DNAH9: variants seen among roughly 807,000 people sequenced by gnomAD.
DNAH9 encodes DNAH9 variant protein.
DNAH9 carries 345 observed loss-of-function variants against 471.6 expected under a neutral mutation model. The observed-to-expected ratio is 0.73, with a 90% CI of 0.67 to 0.80. DNAH9 has a LOEUF of 0.80. Ranked by LOEUF, DNAH9 falls within the 30% of genes least tolerant of loss-of-function variation. DNAH9 has a pLI of 0.00. For missense variants in DNAH9, 5,407 were observed against 5,609.2 expected (o/e 0.96, Z 1.15); for synonymous variants, 2,093 against 2,123.6 (o/e 0.99, Z 0.40).
At chr17:11,877,224 G>A (rs1258946768) in intron 53 of DNAH9, among the ~76,000 whole-genome samples, 1 of 151,496 alleles carries the variant, frequency 6.6e-6, no homozygotes, top group Non-Finnish European at 1.5e-5. Context: ...TGTAATCATA[G>A]CACTTTGGGA....
Position 11,652,660 on chromosome 17 carries a change from T to A in DNAH9, c.2354-101T>A. ...AAGTTACCTGTGTAGAAAAGTCTTA[T>A]AACACTCGCAAGTATTAAATCCCTG... On this transcript the variant is annotated intron_variant, in intron 13 of 68. Transcript: ENST00000262442. 1.8e-6 allele frequency: 2 copies of A among 1,126,788 alleles called. 1 individual carries two copies. The highest frequency in any genetic ancestry group is 3.0e-5 in the South Asian group (2 of 67,518). The allele number at this position is 1,126,788 out of a possible 1,614,324, so 69.8% of individuals were successfully genotyped here.
At chr17:11,969,090 CA>C (rs1976983459) in intron 68 of DNAH9, among the ~76,000 whole-genome samples, 1 of 152,202 alleles carries the variant, frequency 6.6e-6, no homozygotes, top group East Asian at 1.9e-4. Flanking sequence ...AACTCTGCTT[CA>C]CCTGATTTAG....
intron 55 of DNAH9, 87 bp downstream of exon 55, chr17:11,881,500 C>T: frequency 7.2e-7 from 1 of 1,393,888 alleles, no homozygotes; most frequent in Non-Finnish European, 9.6e-7. Flanking sequence ...GGCTGTTTTT[C>T]CTGGATTGAG....
chr17:11,665,720 C>A (rs1434848059), intron 15 of DNAH9, among the ~76,000 whole-genome samples: 3 of 152,068 alleles, frequency 2.0e-5, no homozygotes, highest in Admixed American at 1.3e-4. Flanking sequence ...TAGCAAATAA[C>A]CTATAGAAGG....
intron 60 of DNAH9, among the ~76,000 whole-genome samples, chr17:11,903,321 G>C (rs903482360): frequency 2.6e-5 from 4 of 151,638 alleles, no homozygotes; most frequent in Non-Finnish European, 5.9e-5. Context: ...CTGGGCGACA[G>C]AGTGAGACTT....
At chr17:11,606,442 TC>T (rs1300399123) in intron 1 of DNAH9, among the ~76,000 whole-genome samples, 17 of 32,040 alleles carry the variant, frequency 5.3e-4, no homozygotes, top group Admixed American at 1.4e-3. Context: ...TCTTTTCTTT[TC>T]TTTTCTTTTC....
intron 44 of DNAH9, among the ~76,000 whole-genome samples, chr17:11,809,776 CGTAA>C (rs1969822594): frequency 2.7e-5 from 4 of 146,748 alleles, no homozygotes; most frequent in African/African-American, 7.3e-5. Context: ...CTTCCATATA[CGTAA>C]GTAAGTCTTC....
intron 50 of DNAH9, among the ~76,000 whole-genome samples, chr17:11,864,888 C>T (rs4294852): frequency 0.42 from 63,847 of 151,742 alleles, 13,795 homozygotes; most frequent in Admixed American, 0.56. Flanking sequence ...GATCTTCCTC[C>T]ATCCTTTTAT....
At chr17:11,639,469 T>C (rs537734467) in intron 9 of DNAH9, among the ~76,000 whole-genome samples, 1 of 152,350 alleles carries the variant, frequency 6.6e-6, no homozygotes, top group East Asian at 1.9e-4. Flanking sequence ...AACCCATTGC[T>C]TGGGCTAACA....
intron 27 of DNAH9, among the ~76,000 whole-genome samples, chr17:11,722,514 G>A (rs1597543454): frequency 6.6e-6 from 1 of 152,172 alleles, no homozygotes; most frequent in Non-Finnish European, 1.5e-5. Context: ...ATATAACAAG[G>A]TAAGTGATAT....
At chr17:11,717,420 T>G (rs1002980402) in intron 26 of DNAH9, among the ~76,000 whole-genome samples, 5 of 151,198 alleles carry the variant, frequency 3.3e-5, no homozygotes, top group African/African-American at 1.2e-4. Context: ...CAAGGTTTAG[T>G]CAAGTCAGTA....
chr17:11,966,723 G>A (rs1002606267), intron 68 of DNAH9, among the ~76,000 whole-genome samples: 3 of 152,086 alleles, frequency 2.0e-5, no homozygotes, highest in Non-Finnish European at 4.4e-5. Flanking sequence ...GGAGGGAGAG[G>A]GAATGGAGCT....
At position 11,784,172 on chromosome 17, in the gene DNAH9, G is replaced by A. The variant is rs1597642677; in HGVS notation, c.7822-128G>A. On this transcript the variant is annotated intron_variant, in intron 40 of 68. Transcript: ENST00000262442. ...GGTTCAACCTAAATTTGGGCATAGT[G>A]TGAGAGATGGGACCAAAATATAGAT... 7 of 1,445,776 alleles carry A rather than the reference G, an allele frequency of 4.8e-6. 1 individual carries two copies. The South Asian group carries it at 9.3e-5, about 19-fold the overall frequency. 89.6% of individuals were successfully genotyped at this position (1,445,776 alleles called of 1,614,324 possible).
intron 14 of DNAH9, among the ~76,000 whole-genome samples, chr17:11,659,477 C>G (rs1050071628): frequency 6.6e-6 from 1 of 152,078 alleles, no homozygotes; most frequent in African/African-American, 2.4e-5. Context: ...GGCATAAAAC[C>G]CCTTGTGGCT....
chr17:11,957,697 C>G (rs1975725284), intron 67 of DNAH9, among the ~76,000 whole-genome samples: 1 of 152,012 alleles, frequency 6.6e-6, no homozygotes, highest in Admixed American at 6.6e-5. Flanking sequence ...AGACAGAAAA[C>G]TTACAGACAA....
chr17:11,883,665 C>T lies in DNAH9; in HGVS notation c.10886C>T (p.Ser3629Phe), dbSNP rs776946486. ...LEDSLLSRLSSASGNFLGETV... is the reference protein window; with the variant it reads ...LEDSLLSRLSFASGNFLGETV... Reference sequence around the variant, plus strand: ...GACAGTCTTCTCTCTCGCCTCTCCTCCGCCTCTGGGAACTTCCTGGGAGAA... The same window carrying T: ...GACAGTCTTCTCTCTCGCCTCTCCTTCGCCTCTGGGAACTTCCTGGGAGAA... The change falls in exon 56 of 69, where the codon TCC becomes TTC. Residue 3629 changes from serine to phenylalanine, a missense_variant. This residue lies in a region of DNAH9 where 4,636 missense variants were observed against 4,900.3 expected (regional missense o/e 0.95). Coordinates refer to ENST00000262442, the MANE Select transcript of DNAH9 (RefSeq NM_001372.4). 6.2e-7 allele frequency: 1 copy of T among 1,614,008 alleles called. No individual in the cohort carries two copies. The highest frequency in any genetic ancestry group is 2.2e-5 in the East Asian group (1 of 44,878).
chr17:11,679,902 G>A lies in DNAH9; in HGVS notation c.3499G>A (p.Glu1167Lys). 2 of 1,614,094 alleles carry A rather than the reference G, an allele frequency of 1.2e-6. No individual in the cohort carries two copies. Among genetic ancestry groups the A allele is most frequent in the East Asian group, 2.2e-5 (1 of 44,878 alleles). ...GCAGAGTAACACTGATGAGATGTTT[G>A]AGCCCTTAAAGCAGACTATTGAATT... ...ERQSNTDEMF[E>K]PLKQTIELLK... Residue 1167 changes from glutamate to lysine, a missense_variant, in exon 18 of 69, where the codon GAG becomes AAG. This residue lies in a region of DNAH9 where 4,636 missense variants were observed against 4,900.3 expected (regional missense o/e 0.95). Coordinates refer to ENST00000262442, the MANE Select transcript of DNAH9 (RefSeq NM_001372.4).
chr17:11,898,507 C>T (rs1973296891), intron 59 of DNAH9, among the ~76,000 whole-genome samples: 2 of 152,208 alleles, frequency 1.3e-5, no homozygotes, highest in African/African-American at 4.8e-5. Flanking sequence ...TCTACAAAGA[C>T]CCTATTTCCA....
chr17:11,753,882 G>A (rs1194061231), intron 33 of DNAH9, among the ~76,000 whole-genome samples: 3 of 152,152 alleles, frequency 2.0e-5, no homozygotes, highest in Non-Finnish European at 4.4e-5. Context: ...TCATGTCACA[G>A]GGGTTTGTTG....
Sources: gnomAD v4.1 joint callset for allele counts (sites outside exome capture counted in the v4.1 genomes callset) on GRCh38, gnomAD v4.1.1 for gene constraint, gnomAD v4.1.1 regional missense constraint, MANE v1.5 for transcripts, NCBI Gene and HGNC (gene_info 2026-07-23, HGNC 2026-07-21) for gene names.